Variants in KIF26B observed in about 807,000 individuals in gnomAD.
KIF26B encodes the protein kinesin-like protein KIF26B.
A neutral mutation model predicts 151.2 loss-of-function variants in KIF26B; 63 were observed. The ratio of observed to expected loss-of-function variants is 0.42; its 90% CI spans 0.34 to 0.51. KIF26B has a LOEUF of 0.51. Among genes scored for constraint, KIF26B ranks in the 20% least tolerant of loss-of-function variants. The pLI, the probability that KIF26B is intolerant of heterozygous loss-of-function variation, is 0.07. For missense variants in KIF26B, 2,813 were observed against 2,913.6 expected (o/e 0.97, Z 0.79); for synonymous variants, 1,357 against 1,262.1 (o/e 1.08, Z -1.59).
Position 245,702,890 on chromosome 1 carries a change from GTACATA to G in KIF26B, c.*285_*290del. The G allele has an allele frequency of 2.8e-6, 1 of 358,398 alleles. No individual in the cohort carries two copies. The highest frequency in any genetic ancestry group is 5.0e-6 in the Non-Finnish European group (1 of 199,862). 22.2% of individuals were successfully genotyped at this position (358,398 alleles called of 1,614,324 possible). On this transcript the variant is annotated 3_prime_UTR_variant, in exon 15 of 15. Transcript: ENST00000407071. This position sits in a 1 kb window ranked among gnomAD's most constrained non-coding sequence, Gnocchi z 4.1. ...TTGAGGAACCTTAAAGACCTTGTTT[GTACATA>G]AGAACTGCTAGCAAAAGAGACCTCA... is the stretch of plus-strand genomic sequence containing the variant.
At chr1:245,265,222 A>G (rs1190167976) in intron 2 of KIF26B, among the ~76,000 whole-genome samples, 3 of 151,424 alleles carry the variant, frequency 2.0e-5, no homozygotes, top group Non-Finnish European at 2.9e-5. Flanking sequence ...AAAAAAAAAA[A>G]AGTTGAGAAA....
chr1:245,215,252 G>T (rs545412001), intron 2 of KIF26B, among the ~76,000 whole-genome samples: 1 of 152,234 alleles, frequency 6.6e-6, no homozygotes, highest in South Asian at 2.1e-4. Flanking sequence ...TACTCTCAGG[G>T]CCCGGCTCCT....
chr1:245,520,206 A>T (rs981890553), intron 4 of KIF26B, among the ~76,000 whole-genome samples: 2 of 152,164 alleles, frequency 1.3e-5, no homozygotes, highest in African/African-American at 4.8e-5. Context: ...AGGAAAAAAA[A>T]AATAATCGAA....
At chr1:245,497,908 T>A (rs1324982092) in intron 4 of KIF26B, among the ~76,000 whole-genome samples, 2 of 152,216 alleles carry the variant, frequency 1.3e-5, no homozygotes, top group East Asian at 3.9e-4. Context: ...CACACCCAGC[T>A]AATTTTTATA....
chr1:245,374,131 A>ATATATATG (rs1558141420), intron 3 of KIF26B, among the ~76,000 whole-genome samples: 1 of 101,528 alleles, frequency 9.8e-6, no homozygotes, highest in African/African-American at 3.4e-5. Context: ...ATATATATAT[A>ATATATATG]TATATATGGG....
intron 2 of KIF26B, among the ~76,000 whole-genome samples, chr1:245,194,659 C>T (rs1214561786): frequency 5.9e-5 from 9 of 152,150 alleles, no homozygotes; most frequent in African/African-American, 7.2e-5. Flanking sequence ...ATTACAGGTG[C>T]GAGCCACTGC....
chr1:245,444,827 A>G (rs1369499461), intron 4 of KIF26B, among the ~76,000 whole-genome samples: 1 of 152,204 alleles, frequency 6.6e-6, no homozygotes, highest in African/African-American at 2.4e-5. Context: ...ATCTGAAACC[A>G]TGCTGTGACA....
intron 5 of KIF26B, among the ~76,000 whole-genome samples, chr1:245,554,733 G>A (rs1016826322): frequency 1.3e-5 from 2 of 152,164 alleles, no homozygotes; most frequent in Admixed American, 1.3e-4. Context: ...GCATGGTGAG[G>A]ACAGCTGACG....
intron 5 of KIF26B, among the ~76,000 whole-genome samples, chr1:245,586,810 C>T (rs1170275574): frequency 1.2e-4 from 18 of 149,968 alleles, no homozygotes; most frequent in Admixed American, 2.7e-4. Context: ...GGCGTGAACC[C>T]GGGAAGCGGA....
At chr1:245,365,863 G>A (rs1672937467) in intron 2 of KIF26B, among the ~76,000 whole-genome samples, 2 of 152,258 alleles carry the variant, frequency 1.3e-5, no homozygotes, top group Admixed American at 1.3e-4. Context: ...GAACTCCAAG[G>A]TCACAAGTGG....
At position 245,625,682 on chromosome 1, in the gene KIF26B, T is replaced by C. The variant is rs72762900; in HGVS notation, c.2098+13706T>C. ...ATATACAATAAATTATTGTTAACTA[T>C]AGCCTCCTACTGTGCTATCAAACAC... On this transcript the variant is annotated intron_variant, in intron 9 of 14. Coordinates refer to ENST00000407071, the MANE Select transcript of KIF26B (RefSeq NM_018012.4). Among the ~76,000 whole-genome samples, 941 of 152,288 alleles carry C rather than the reference T, an allele frequency of 6.2e-3. 4 individuals carry two copies. Among genetic ancestry groups the C allele is most frequent in the Non-Finnish European group, 0.011 (739 of 68,002 alleles).
intron 2 of KIF26B, among the ~76,000 whole-genome samples, chr1:245,165,913 T>C (rs1402575789): frequency 6.6e-6 from 1 of 152,124 alleles, no homozygotes; most frequent in Non-Finnish European, 1.5e-5. Context: ...CAGGAATAGA[T>C]TGAGAGGTGA....
In KIF26B at chr1:245,532,149, A is replaced by G. The variant is rs114548331; in HGVS notation, c.1167-8618A>G. Reference sequence around the variant, plus strand: ...CTATAAGACTTCAAGGGGAAGGACAATGATCCACGGGGGCTGAAGTCACTG... The same window carrying G: ...CTATAAGACTTCAAGGGGAAGGACAGTGATCCACGGGGGCTGAAGTCACTG... On this transcript the variant is annotated intron_variant, in intron 4 of 14. Transcript: ENST00000407071. Among the ~76,000 whole-genome samples the G allele has an allele frequency of 9.1e-3, 1,378 of 152,250 alleles. 14 individuals carry two copies. Among genetic ancestry groups the G allele is most frequent in the African/African-American group, 0.031 (1,282 of 41,540 alleles).
chr1:245,618,803 C>T (rs1261497497), intron 9 of KIF26B, among the ~76,000 whole-genome samples: 4 of 132,690 alleles, frequency 3.0e-5, no homozygotes, highest in Admixed American at 7.8e-5. Flanking sequence ...GTGCTGTGTC[C>T]GCTGCATGCT....
intron 12 of KIF26B, 78 bp downstream of exon 12, chr1:245,688,885 C>A: frequency 6.8e-7 from 1 of 1,462,784 alleles, no homozygotes; most frequent in Non-Finnish European, 9.1e-7. Context: ...GCCAGGGTGT[C>A]CCGTGCCCTG....
In KIF26B at chr1:245,369,192, AGAG is replaced by A. The variant is rs1389880602; in HGVS notation, c.999+1826_999+1828del. Among the ~76,000 whole-genome samples, 5 of 136,578 alleles carry A rather than the reference AGAG, an allele frequency of 3.7e-5. No individual in the cohort carries two copies. The South Asian group carries it at 1.1e-3, about 29-fold the overall frequency. The allele number at this position is 136,578 out of a possible 152,430, so 89.6% of individuals were successfully genotyped here. A position where few individuals can be genotyped will look rare whatever the true frequency, so the allele number is the denominator to read the frequency against. On this transcript the variant is annotated intron_variant, in intron 3 of 14. Transcript: ENST00000407071. ...GTGAGAGAGAGAGAGAGAGAGAGAG[AGAG>A]AGACAGACAGACAGACAGACAGTTT...
chr1:245,646,781 C>G lies in KIF26B; in HGVS notation c.2258+501C>G, dbSNP rs1205293207. On this transcript the variant is annotated intron_variant, in intron 10 of 14. Transcript: ENST00000407071. ...ACGCTCCTGGTGACATGTATTTTATCTGGCAACCCAATCTCGGGAGTTCAG... is the reference window on the plus strand; with the variant it reads ...ACGCTCCTGGTGACATGTATTTTATGTGGCAACCCAATCTCGGGAGTTCAG... Among the ~76,000 whole-genome samples the G allele has an allele frequency of 2.6e-5, 4 of 152,340 alleles. No homozygotes were observed. In the East Asian group the frequency reaches 7.7e-4, roughly 29 times the overall value.
chr1:245,415,077 T>TA (rs1292161043), intron 3 of KIF26B, among the ~76,000 whole-genome samples: 1 of 152,256 alleles, frequency 6.6e-6, no homozygotes, highest in Non-Finnish European at 1.5e-5. Flanking sequence ...CCAGTCTACA[T>TA]AACTTAATGT....
intron 4 of KIF26B, among the ~76,000 whole-genome samples, chr1:245,524,259 C>G (rs184500732): frequency 3.9e-5 from 6 of 152,276 alleles, no homozygotes; most frequent in Middle Eastern, 3.4e-3. Flanking sequence ...GGCCACTTTC[C>G]CATACCTTAC....
Sources: gnomAD v4.1 joint callset for allele counts (sites outside exome capture counted in the v4.1 genomes callset) on GRCh38, gnomAD v4.1.1 for gene constraint, Gnocchi (gnomAD v3.1) non-coding constraint, MANE v1.5 for transcripts, NCBI Gene and HGNC (gene_info 2026-07-23, HGNC 2026-07-21) for gene names.